REV3L: variants seen among roughly 807,000 people sequenced by gnomAD.
REV3L encodes DNA polymerase zeta catalytic subunit.
In REV3L, 69 loss-of-function variants were observed where a neutral mutation model predicts 299.4. That is an observed-to-expected ratio of 0.23 (90% confidence interval 0.19 to 0.28). REV3L has a LOEUF of 0.28. Ranked by LOEUF, REV3L falls within the 10% of genes least tolerant of loss-of-function variation. REV3L has a pLI of 1.00. For synonymous variants in REV3L, 1,238 were observed against 1,271.4 expected (o/e 0.97, Z 0.56); for missense variants, 3,128 against 3,693.8 (o/e 0.85, Z 3.97).
intron 26 of REV3L, among the ~76,000 whole-genome samples, chr6:111,317,948 G>A (rs914173353): frequency 7.2e-5 from 11 of 152,182 alleles, no homozygotes; most frequent in Non-Finnish European, 1.6e-4. Context: ...GTATTCCACT[G>A]TATGGATATA....
At chr6:111,316,750 C>A in intron 26 of REV3L, among the ~76,000 whole-genome samples, 1 of 151,138 alleles carries the variant, frequency 6.6e-6, no homozygotes. Context: ...TAAAAAGACA[C>A]ACGGAAGAAA....
chr6:111,381,214 T>C lies in REV3L; in HGVS notation c.1216+111A>G, dbSNP rs955582340. 9.9e-6 allele frequency: 11 copies of C among 1,111,484 alleles called. No homozygotes were observed. In the African/African-American group the frequency reaches 1.7e-4, roughly 18 times the overall value. The allele number at this position is 1,111,484 out of a possible 1,614,324, so 68.9% of individuals were successfully genotyped here. A position where few individuals can be genotyped will look rare whatever the true frequency, so the allele number is the denominator to read the frequency against. ...TTTTCATATTCAGTAGAGTGTTTAC[T>C]GAACATGCAACATTTACCTCTTCAA... On this transcript the variant is annotated intron_variant, in intron 10 of 31. Transcript: ENST00000368802.
At chr6:111,450,722 A>C (rs1789434177) in intron 1 of REV3L, among the ~76,000 whole-genome samples, 1 of 152,146 alleles carries the variant, frequency 6.6e-6, no homozygotes, top group South Asian at 2.1e-4. Flanking sequence ...GTACATTTGG[A>C]TAATTAAAGA....
chr6:111,315,411 TGAG>T (rs1487940391), intron 26 of REV3L, 30 bp from the exon 27 acceptor site: 9 of 1,572,714 alleles, frequency 5.7e-6, no homozygotes, highest in Non-Finnish European at 7.0e-6. Flanking sequence ...AGTAAGGTAA[TGAG>T]GAAGTCATTA....
chr6:111,382,082 A>G (rs1780887644), intron 9 of REV3L, among the ~76,000 whole-genome samples: 1 of 152,210 alleles, frequency 6.6e-6, no homozygotes, highest in Non-Finnish European at 1.5e-5. Context: ...TTCATTTTAC[A>G]TTAATATTTT....
chr6:111,361,378 T>C (rs1778638961), intron 16 of REV3L: 1 of 136,634 alleles, frequency 7.3e-6, no homozygotes, highest in African/African-American at 2.8e-5. Context: ...AGTGAGACTA[T>C]GTCTCAAACA....
chr6:111,444,520 T>C (rs1420039080), intron 1 of REV3L, among the ~76,000 whole-genome samples: 1 of 151,904 alleles, frequency 6.6e-6, no homozygotes, highest in Non-Finnish European at 1.5e-5. Flanking sequence ...CTCCTACAAA[T>C]CAGTAAGAAA....
At chr6:111,364,078 A>C (rs2115013139) in intron 15 of REV3L, 100 bp from the exon 16 acceptor site, 1 of 1,453,114 alleles carries the variant, frequency 6.9e-7, no homozygotes, top group Middle Eastern at 1.8e-4. Context: ...TTATGTGTTT[A>C]GTAATAAATG....
intron 1 of REV3L, among the ~76,000 whole-genome samples, chr6:111,427,131 G>A (rs912069400): frequency 1.3e-5 from 2 of 151,970 alleles, no homozygotes; most frequent in Admixed American, 1.3e-4. Flanking sequence ...CTTACTGTCT[G>A]GTCAAATTTG....
intron 21 of REV3L, among the ~76,000 whole-genome samples, chr6:111,342,583 G>A (rs1157638492): frequency 2.0e-5 from 3 of 151,858 alleles, no homozygotes; most frequent in African/African-American, 7.3e-5. Context: ...CAGGAGAATG[G>A]CGTGAACTCG....
In REV3L at chr6:111,338,311, C is replaced by CTTTTTTTTTTTTTTTT. The variant is rs1776115188; in HGVS notation, c.7539-2702_7539-2701insAAAAAAAAAAAAAAAA. ...TTCTTTGTTTACTCCAGTCTAAAGTCCTTTTTTTTTTTTTTTTTTTTTTTT... is the reference window on the plus strand; with the variant it reads ...TTCTTTGTTTACTCCAGTCTAAAGTCTTTTTTTTTTTTTTTTCTTTTTTTTTTTTTTTTTTTTTTTT... On this transcript the variant is annotated intron_variant, in intron 21 of 31. Coordinates refer to ENST00000368802, the MANE Select transcript of REV3L (RefSeq NM_001372078.1). 1.0e-4 allele frequency among the ~76,000 whole-genome samples: 5 copies of CTTTTTTTTTTTTTTTT among 49,032 alleles called. 1 individual carries two copies. The highest frequency in any genetic ancestry group is 4.6e-4 in the Admixed American group (2 of 4,346). The allele number at this position is 49,032 out of a possible 152,430, so 32.2% of individuals were successfully genotyped here.
chr6:111,337,057 G>A (rs1425409469), intron 21 of REV3L, among the ~76,000 whole-genome samples: 2 of 151,584 alleles, frequency 1.3e-5, no homozygotes, highest in African/African-American at 4.9e-5. Context: ...GGTTGTCTAA[G>A]GCAAGAGGTA....
At chr6:111,462,028 A>G (rs1790831334) in intron 1 of REV3L, among the ~76,000 whole-genome samples, 1 of 152,182 alleles carries the variant, frequency 6.6e-6, no homozygotes, top group Non-Finnish European at 1.5e-5. Flanking sequence ...GCTGACTATA[A>G]GAAACCCATA....
intron 26 of REV3L, 158 bp from the exon 27 acceptor site, chr6:111,315,539 T>C: frequency 1.7e-6 from 1 of 600,214 alleles, no homozygotes; most frequent in Non-Finnish European, 2.9e-6. Flanking sequence ...GCTCTCCTGT[T>C]TTATTACTTT....
chr6:111,423,528 GAGAA>G lies in REV3L; in HGVS notation c.140-7060_140-7057del, dbSNP rs527671145. ...AGAGAAAGAAAAAGAGTATGAGAGAGAGAAAAACAGTGTGTGTGTGTGTGAGAGA... is the reference window on the plus strand; with the variant it reads ...AGAGAAAGAAAAAGAGTATGAGAGAGAAACAGTGTGTGTGTGTGTGAGAGA... On this transcript the variant is annotated intron_variant, in intron 1 of 31. Coordinates refer to ENST00000368802, the MANE Select transcript of REV3L (RefSeq NM_001372078.1). 5.4e-4 allele frequency among the ~76,000 whole-genome samples: 82 copies of G among 152,048 alleles called. No homozygotes were observed. In the South Asian group the frequency reaches 9.4e-3, roughly 17 times the overall value.
intron 1 of REV3L, among the ~76,000 whole-genome samples, chr6:111,454,992 T>C (rs1041296299): frequency 6.6e-6 from 1 of 152,160 alleles, no homozygotes; most frequent in Non-Finnish European, 1.5e-5. Flanking sequence ...AATGCATGTG[T>C]AGGCAATAAG....
Position 111,309,838 on chromosome 6 carries a change from A to G in REV3L, c.9042+15T>C, listed in dbSNP as rs1412322460. On this transcript the variant is annotated intron_variant, in intron 30 of 31. Coordinates refer to ENST00000368802, the MANE Select transcript of REV3L (RefSeq NM_001372078.1). The stretch of plus-strand genomic sequence containing the variant: ...TCTCCATAGTTAGAGCACATGTACT[A>G]TTTGGTAAGCTTACCCTTGGTAATT... 4 of 1,611,384 alleles carry G rather than the reference A, an allele frequency of 2.5e-6. No individual in the cohort carries two copies. The highest frequency in any genetic ancestry group is 3.4e-6 in the Non-Finnish European group (4 of 1,178,616).
At chr6:111,405,205 G>A (rs1783500172) in intron 4 of REV3L, among the ~76,000 whole-genome samples, 3 of 151,836 alleles carry the variant, frequency 2.0e-5, no homozygotes, top group Non-Finnish European at 4.4e-5. Context: ...TACCTTTTAG[G>A]TAGCCTGTAT....
intron 4 of REV3L, among the ~76,000 whole-genome samples, chr6:111,393,259 C>T (rs560465304): frequency 3.9e-4 from 59 of 152,158 alleles, no homozygotes; most frequent in African/African-American, 1.3e-3. Context: ...CCTTGTGATC[C>T]GCCTGCCTCG....
Sources: gnomAD v4.1 joint callset for allele counts (sites outside exome capture counted in the v4.1 genomes callset) on GRCh38, gnomAD v4.1.1 for gene constraint, MANE v1.5 for transcripts, NCBI Gene and HGNC (gene_info 2026-07-23, HGNC 2026-07-21) for gene names.